Variants in SAP130 observed in about 807,000 individuals in gnomAD.
SAP130 encodes Sin3A associated protein 130.
A neutral mutation model predicts 103.2 loss-of-function variants in SAP130; 16 were observed. That is an observed-to-expected ratio of 0.16 (90% CI 0.10 to 0.24). The LOEUF (loss-of-function observed/expected upper bound fraction) is 0.24, where lower values mean the gene tolerates loss of function less well. SAP130 is among the 10% of genes least tolerant of loss of function. The pLI is 1.00. For missense variants in SAP130, 990 were observed against 1,359.7 expected (o/e 0.73, Z 4.28); for synonymous variants, 477 against 497.0 (o/e 0.96, Z 0.53).
At position 127,986,873 on chromosome 2, in the gene SAP130, T is replaced by A; in HGVS notation, c.1870A>T (p.Thr624Ser). The change falls in exon 14 of 21, where the codon ACC (threonine) becomes TCC (serine). Residue 624 changes from threonine to serine, a missense_variant. Thr to Ser is a moderately conservative substitution (Grantham distance 58). Transcript: ENST00000643581. The surrounding 1 kb of genome is among the most constrained non-coding windows in gnomAD (Gnocchi z 4.7). ...AAPAATTVVQTHSQSASTNAP... is the reference protein window; with the variant it reads ...AAPAATTVVQSHSQSASTNAP... ...TTGGTGCTAGCACTCTGGCTGTGGG[T>A]CTGCACCACGGTTGTTGCTGCTGGA... 6.2e-7 allele frequency: 1 copy of A among 1,614,248 alleles called. No individual in the cohort carries two copies. Among genetic ancestry groups the A allele is most frequent in the African/African-American group, 1.3e-5 (1 of 75,064 alleles).
At chr2:127,973,816 G>A (rs1029493353) in intron 15 of SAP130, among the ~76,000 whole-genome samples, 2 of 152,118 alleles carry the variant, frequency 1.3e-5, no homozygotes, top group African/African-American at 4.8e-5. Flanking sequence ...GCTCATGTCT[G>A]TAATCCCAGC....
chr2:127,996,602 G>C lies in SAP130; in HGVS notation c.1214-111C>G, dbSNP rs1020320714. ...AAAGCAAACAATTAAAATAAGCCTG[G>C]ATTTTTAATCAAAATAAAAAATGAA... is the stretch of plus-strand genomic sequence containing the variant. On this transcript the variant is annotated intron_variant, in intron 10 of 20. Transcript: ENST00000643581. The surrounding 1 kb of genome is among the most constrained non-coding windows in gnomAD (Gnocchi z 4.3). 1.0e-6 allele frequency: 1 copy of C among 984,326 alleles called. No homozygotes were observed. The highest frequency in any genetic ancestry group is 1.4e-6 in the Non-Finnish European group (1 of 715,394). The allele number at this position is 984,326 out of a possible 1,614,324, so 61.0% of individuals were successfully genotyped here.
chr2:127,970,541 TAAAAAAAAA>T (rs70985493), intron 15 of SAP130, among the ~76,000 whole-genome samples: 5 of 80,024 alleles, frequency 6.2e-5, no homozygotes, highest in Non-Finnish European at 1.1e-4. Flanking sequence ...GACTCTGTCT[TAAAAAAAAA>T]AAAAAAAAAA....
chr2:127,967,457 T>C (rs111707597), intron 15 of SAP130, among the ~76,000 whole-genome samples: 12,755 of 152,292 alleles, frequency 0.084, 996 homozygotes, highest in African/African-American at 0.2. Flanking sequence ...TGGAGTGCAG[T>C]GGCGCAGTCT....
rs2104717714 is a variant in SAP130 at position 127,948,870 on chromosome 2, G to A, written c.2797+999C>T. ...AGTCCCAATAAGCATTTAGACTCTT[G>A]TAGTGTGGCTTGAAATGCTACCAGG... On this transcript the variant is annotated intron_variant, in intron 18 of 20. Coordinates refer to ENST00000643581, the MANE Select transcript of SAP130 (RefSeq NM_001330301.2). Among the ~76,000 whole-genome samples, 2 of 152,248 alleles carry A rather than the reference G, an allele frequency of 1.3e-5. 1 individual carries two copies. Among genetic ancestry groups the A allele is most frequent in the South Asian group, 4.1e-4 (2 of 4,824 alleles).
chr2:128,027,017 C>G, intron 1 of SAP130: 1 of 1,284,180 alleles, frequency 7.8e-7, no homozygotes, highest in Admixed American at 2.8e-5. Context: ...GAGTGTGAGA[C>G]CCCCGTCTCC....
intron 15 of SAP130, among the ~76,000 whole-genome samples, chr2:127,970,614 G>C (rs987709462): frequency 6.7e-6 from 1 of 150,126 alleles, no homozygotes. Flanking sequence ...TACTCGGAAG[G>C]CTAATGTGGA....
chr2:128,021,552 A>T (rs910700237), intron 2 of SAP130, among the ~76,000 whole-genome samples: 6 of 152,182 alleles, frequency 3.9e-5, no homozygotes, highest in African/African-American at 1.4e-4. Flanking sequence ...AATTTTTAAA[A>T]TTTTGATCTA....
Position 127,996,089 on chromosome 2 carries a change from C to T in SAP130, c.1355+261G>A, listed in dbSNP as rs764513725. Among the ~76,000 whole-genome samples the T allele has an allele frequency of 2.6e-5, 4 of 151,570 alleles. No homozygotes were observed. The highest frequency in any genetic ancestry group is 4.4e-5 in the Non-Finnish European group (3 of 67,902). On this transcript the variant is annotated intron_variant, in intron 11 of 20. Coordinates refer to ENST00000643581, the MANE Select transcript of SAP130 (RefSeq NM_001330301.2). This position sits in a 1 kb window ranked among gnomAD's most constrained non-coding sequence, Gnocchi z 4.3. Reference sequence around the variant, plus strand: ...GGATAAATGGTCATAATGCTGCAACCCTTACTCTCAAAATGGCCAAAAAAT... The same window carrying T: ...GGATAAATGGTCATAATGCTGCAACTCTTACTCTCAAAATGGCCAAAAAAT...
chr2:127,991,177 G>C (rs1481509940), intron 12 of SAP130, among the ~76,000 whole-genome samples: 1 of 151,860 alleles, frequency 6.6e-6, no homozygotes, highest in African/African-American at 2.4e-5. Context: ...TTGAAGCTGG[G>C]AGGTGGAGGT....
In SAP130 at chr2:127,989,985, GA is replaced by G. The variant is rs996036198; in HGVS notation, c.1478-120del. On this transcript the variant is annotated intron_variant, in intron 12 of 20. Coordinates refer to ENST00000643581, the MANE Select transcript of SAP130 (RefSeq NM_001330301.2). The surrounding 1 kb of genome is among the most constrained non-coding windows in gnomAD (Gnocchi z 4.6). ...TGTATAAGATCTAAATCCATGGTTT[GA>G]AAAAAAATAAATAAATAAACATTGT... 58 of 876,264 alleles carry G rather than the reference GA, an allele frequency of 6.6e-5. No homozygotes were observed. Among genetic ancestry groups the G allele is most frequent in the Middle Eastern group, 3.4e-4 (1 of 2,966 alleles). The allele number at this position is 876,264 out of a possible 1,614,324, so 54.3% of individuals were successfully genotyped here.
At position 128,002,909 on chromosome 2, in the gene SAP130, T is replaced by C. The variant is rs531032301; in HGVS notation, c.870-2455A>G. Among the ~76,000 whole-genome samples the C allele has an allele frequency of 3.4e-4, 51 of 152,196 alleles. No homozygotes were observed. The Middle Eastern group carries it at 0.014, about 41-fold the overall frequency. ...TGGGAGGCCAAGGCAGGCAGATTGC[T>C]TGAGTCCAGGAGTTCAAGACTGGCG... On this transcript the variant is annotated intron_variant, in intron 7 of 20. Coordinates refer to ENST00000643581, the MANE Select transcript of SAP130 (RefSeq NM_001330301.2).
intron 6 of SAP130, among the ~76,000 whole-genome samples, chr2:128,012,556 T>C (rs1684470877): frequency 6.6e-6 from 1 of 152,182 alleles, no homozygotes; most frequent in Non-Finnish European, 1.5e-5. Context: ...GAGAACCCAA[T>C]TTATAGATAC....
intron 2 of SAP130, among the ~76,000 whole-genome samples, chr2:128,022,335 C>T (rs1263305815): frequency 6.6e-6 from 1 of 152,222 alleles, no homozygotes; most frequent in African/African-American, 2.4e-5. Flanking sequence ...GATGGACACA[C>T]AACAATTTGC....
chr2:127,997,940 C>A (rs1431581838), intron 10 of SAP130, among the ~76,000 whole-genome samples: 2 of 151,954 alleles, frequency 1.3e-5, no homozygotes, highest in Non-Finnish European at 2.9e-5. Context: ...ATGGTGAAAC[C>A]CTGTTTCTAC....
intron 13 of SAP130, 51 bp from the exon 14 acceptor site, chr2:127,987,013 G>A (rs1173255542): frequency 6.7e-7 from 1 of 1,496,540 alleles, no homozygotes; most frequent in Non-Finnish European, 9.2e-7. Flanking sequence ...GAAACAAAAT[G>A]CCATAGAAGA....
chr2:127,947,764 C>CTGTGTGAGTGTGTGTGTG (rs1553500424), intron 18 of SAP130, among the ~76,000 whole-genome samples: 19 of 143,422 alleles, frequency 1.3e-4, no homozygotes, highest in African/African-American at 3.1e-4. Flanking sequence ...TTGTGTGTGT[C>CTGTGTGAGTGTGTGTGTG]TGTGTGTGTG....
chr2:127,980,219 A>G (rs1681766296), intron 14 of SAP130, among the ~76,000 whole-genome samples: 1 of 152,160 alleles, frequency 6.6e-6, no homozygotes, highest in Admixed American at 6.5e-5. Flanking sequence ...TAACAAAAAT[A>G]AGGATAAAAG....
At chr2:127,968,250 C>T (rs1355011372) in intron 15 of SAP130, among the ~76,000 whole-genome samples, 1 of 151,474 alleles carries the variant, frequency 6.6e-6, no homozygotes, top group Non-Finnish European at 1.5e-5. Flanking sequence ...CTGGGGATTA[C>T]AGGCGGCCCC....
Sources: gnomAD v4.1 joint callset for allele counts (sites outside exome capture counted in the v4.1 genomes callset) on GRCh38, gnomAD v4.1.1 for gene constraint, Gnocchi (gnomAD v3.1) non-coding constraint, MANE v1.5 for transcripts, NCBI Gene and HGNC (gene_info 2026-07-23, HGNC 2026-07-21) for gene names.